The following BCAT1 variants were observed in gnomAD, a reference collection of about 807,000 sequenced individuals.
The protein encoded by BCAT1 is branched-chain-amino-acid aminotransferase, cytosolic.
In BCAT1, 48 loss-of-function variants were observed where a neutral mutation model predicts 52.4. The observed-to-expected ratio is 0.92, with a 90% CI of 0.73 to 1.16. The LOEUF (loss-of-function observed/expected upper bound fraction) is 1.16, where lower values mean the gene tolerates loss of function less well. Among genes scored for constraint, BCAT1 ranks in the 50% most tolerant of loss-of-function variants. The pLI, the probability that BCAT1 is intolerant of heterozygous loss-of-function variation, is 0.00. For missense variants in BCAT1, 451 were observed against 457.1 expected (o/e 0.99, Z 0.12); for synonymous variants, 167 against 161.3 (o/e 1.04, Z -0.27).
At chr12:24,922,492 T>C (rs1005942223) in intron 1 of BCAT1, among the ~76,000 whole-genome samples, 82 of 152,316 alleles carry the variant, frequency 5.4e-4, no homozygotes, top group African/African-American at 1.9e-3. Flanking sequence ...TAGCAACCCA[T>C]TTTACATATG....
chr12:24,924,206 T>G (rs1182769207), intron 1 of BCAT1, among the ~76,000 whole-genome samples: 2 of 152,178 alleles, frequency 1.3e-5, no homozygotes, highest in Non-Finnish European at 2.9e-5. Flanking sequence ...TAGTAACTTG[T>G]AAGAAAATAA....
chr12:24,821,012 G>T (rs1940102515), intron 10 of BCAT1, among the ~76,000 whole-genome samples: 1 of 152,156 alleles, frequency 6.6e-6, no homozygotes, highest in Non-Finnish European at 1.5e-5. Context: ...CGTGGAGGAG[G>T]ATGTGCTGGA....
chr12:24,901,688 A>C, intron 2 of BCAT1, 126 bp downstream of exon 2: 1 of 970,768 alleles, frequency 1.0e-6, no homozygotes, highest in Non-Finnish European at 1.5e-6. Context: ...GGAATTTTAA[A>C]AGTCTGGCAA....
At chr12:24,911,115 T>A (rs1002175747) in intron 1 of BCAT1, among the ~76,000 whole-genome samples, 10 of 151,544 alleles carry the variant, frequency 6.6e-5, no homozygotes, top group African/African-American at 2.4e-4. Context: ...AAAAAAAAAA[T>A]TGAAAAAATA....
In BCAT1 at chr12:24,832,713, C is replaced by G; in HGVS notation, c.1044+10G>C. On this transcript the variant is annotated intron_variant, in intron 9 of 10. Coordinates refer to ENST00000261192, the MANE Select transcript of BCAT1 (RefSeq NM_005504.7). Reference sequence around the variant, plus strand: ...GGAAATGATAGGAAATGAGGAAATACTTGTCGTACCTCGCCTTTGTACAGT... The same window carrying G: ...GGAAATGATAGGAAATGAGGAAATAGTTGTCGTACCTCGCCTTTGTACAGT... The G allele has an allele frequency of 1.9e-6, 3 of 1,597,216 alleles. No individual in the cohort carries two copies. The highest frequency in any genetic ancestry group is 2.2e-5 in the East Asian group (1 of 44,644).
At chr12:24,867,219 A>C (rs1942045875) in intron 5 of BCAT1, among the ~76,000 whole-genome samples, 1 of 152,018 alleles carries the variant, frequency 6.6e-6, no homozygotes. Context: ...TCCAGACACG[A>C]CACCTTTAAG....
intron 6 of BCAT1, among the ~76,000 whole-genome samples, chr12:24,843,682 T>A (rs1941246610): frequency 6.6e-6 from 1 of 152,158 alleles, no homozygotes; most frequent in African/African-American, 2.4e-5. Context: ...TCCATACTCT[T>A]ATAAAAACAT....
At chr12:24,890,804 ATT>A (rs1374213052) in intron 3 of BCAT1, among the ~76,000 whole-genome samples, 1 of 152,176 alleles carries the variant, frequency 6.6e-6, no homozygotes, top group African/African-American at 2.4e-5. Context: ...CGGAGTAGCC[ATT>A]CTTTTTTTCC....
chr12:24,848,276 A>G (rs1321054707), intron 6 of BCAT1, among the ~76,000 whole-genome samples: 2 of 152,172 alleles, frequency 1.3e-5, no homozygotes, highest in African/African-American at 2.4e-5. Context: ...GAATTCCCCT[A>G]TTATACCCCT....
At position 24,867,502 on chromosome 12, in the gene BCAT1, T is replaced by G. The variant is rs1203849231; in HGVS notation, c.510+11028A>C. On this transcript the variant is annotated intron_variant, in intron 5 of 10. Coordinates refer to ENST00000261192, the MANE Select transcript of BCAT1 (RefSeq NM_005504.7). ...TGGCTATGGGCATTGGTGACACATG[T>G]TGAGTGTGCCATGTTAAATGTCTTT... 2.0e-5 allele frequency among the ~76,000 whole-genome samples: 3 copies of G among 152,170 alleles called. No homozygotes were observed. In the East Asian group the frequency reaches 5.8e-4, roughly 29 times the overall value.
chr12:24,884,283 G>C (rs1009529864), intron 3 of BCAT1, among the ~76,000 whole-genome samples: 6 of 152,152 alleles, frequency 3.9e-5, no homozygotes, highest in African/African-American at 1.4e-4. Flanking sequence ...CTCATATGTG[G>C]ACTGAAAAAG....
rs1346128920 is a variant in BCAT1, at chr12:24,824,296, C to T, written c.1119+5527G>A. 5.2e-4 allele frequency among the ~76,000 whole-genome samples: 66 copies of T among 126,086 alleles called. 1 individual carries two copies. The highest frequency in any genetic ancestry group is 8.7e-4 in the Non-Finnish European group (48 of 55,340). 82.7% of individuals were successfully genotyped at this position (126,086 alleles called of 152,430 possible). On this transcript the variant is annotated intron_variant, in intron 10 of 10. Coordinates refer to ENST00000261192, the MANE Select transcript of BCAT1 (RefSeq NM_005504.7). ...CCTCCCTCCCTCCCTCCCTCCCTCC[C>T]TCCCTCCTTCCTTTCGAGACAGGGT...
At chr12:24,945,662 G>A (rs902169407) in intron 1 of BCAT1, 8 of 152,056 alleles carry the variant, frequency 5.3e-5, no homozygotes, top group Non-Finnish European at 8.8e-5. Flanking sequence ...GCAAAACTCC[G>A]TCTTTACAAA....
chr12:24,887,075 AAAAAAATATATATAT>A (rs1942691291), intron 3 of BCAT1, among the ~76,000 whole-genome samples: 1 of 102,006 alleles, frequency 9.8e-6, no homozygotes, highest in African/African-American at 4.0e-5. Flanking sequence ...AAAAAAAAAA[AAAAAAATATATATAT>A]ATATATATAT....
chr12:24,898,410 A>G (rs532363017), intron 2 of BCAT1, among the ~76,000 whole-genome samples: 1 of 151,612 alleles, frequency 6.6e-6, no homozygotes, highest in African/African-American at 2.4e-5. Context: ...TTCCTAATTC[A>G]AAGTTTGCAG....
At chr12:24,900,925 T>C (rs971163650) in intron 2 of BCAT1, among the ~76,000 whole-genome samples, 3 of 152,234 alleles carry the variant, frequency 2.0e-5, no homozygotes, top group African/African-American at 7.2e-5. Flanking sequence ...AGCGAGACCC[T>C]GTCTCAAAAA....
intron 1 of BCAT1, among the ~76,000 whole-genome samples, chr12:24,911,457 T>C (rs1029345082): frequency 6.6e-6 from 1 of 152,216 alleles, no homozygotes; most frequent in Non-Finnish European, 1.5e-5. Flanking sequence ...TGTGACAGCG[T>C]GGCAGGGTGA....
chr12:24,940,737 A>C (rs1375822932), intron 1 of BCAT1, among the ~76,000 whole-genome samples: 3 of 152,244 alleles, frequency 2.0e-5, no homozygotes, highest in Non-Finnish European at 2.9e-5. Flanking sequence ...TGAATATAGT[A>C]GGTGCCAGAA....
chr12:24,853,379 T>C (rs1279073051), intron 5 of BCAT1, among the ~76,000 whole-genome samples: 1 of 152,194 alleles, frequency 6.6e-6, no homozygotes, highest in Non-Finnish European at 1.5e-5. Flanking sequence ...CGTCCGCACT[T>C]ATAAGTGAGA....
Sources: gnomAD v4.1 joint callset for allele counts (sites outside exome capture counted in the v4.1 genomes callset) on GRCh38, gnomAD v4.1.1 for gene constraint, MANE v1.5 for transcripts, NCBI Gene and HGNC (gene_info 2026-07-23, HGNC 2026-07-21) for gene names.